The following SLC24A2 variants were observed in gnomAD, a reference collection of about 807,000 sequenced individuals.
SLC24A2 encodes the protein sodium/potassium/calcium exchanger 2.
A neutral mutation model predicts 62.0 loss-of-function variants in SLC24A2; 36 were observed. The ratio of observed to expected loss-of-function variants is 0.58; its 90% CI spans 0.44 to 0.77. The LOEUF is 0.77. SLC24A2 is among the 30% of genes least tolerant of loss of function. SLC24A2 has a pLI of 0.00. For missense variants in SLC24A2, 846 were observed against 817.9 expected (o/e 1.03, Z -0.42); for synonymous variants, 358 against 294.0 (o/e 1.22, Z -2.23).
the SLC24A2 span, among the ~76,000 whole-genome samples, chr9:20,267,090 GACAAA>G: frequency 6.7e-6 from 1 of 148,984 alleles, no homozygotes; most frequent in African/African-American, 2.5e-5. Context: ...TGGTTTAACT[GACAAA>G]ACAAAAATTA....
intron 2 of SLC24A2, among the ~76,000 whole-genome samples, chr9:19,691,135 A>G (rs1222294044): frequency 6.6e-6 from 1 of 152,174 alleles, no homozygotes; most frequent in East Asian, 1.9e-4. Context: ...TCCTCCTTTG[A>G]AGGTGTGAAC....
intron 2 of SLC24A2, among the ~76,000 whole-genome samples, chr9:19,745,528 G>T (rs2118785971): frequency 6.6e-6 from 1 of 152,234 alleles, no homozygotes; most frequent in Admixed American, 6.5e-5. Flanking sequence ...TCTGGGGGTA[G>T]ATTCAGCAAT....
chr9:20,219,701 G>A, the SLC24A2 span, among the ~76,000 whole-genome samples: 1 of 152,122 alleles, frequency 6.6e-6, no homozygotes, highest in Non-Finnish European at 1.5e-5. Context: ...CATCTGTGTG[G>A]CCTTTGGACG....
At chr9:19,735,101 A>G (rs1821465487) in intron 2 of SLC24A2, among the ~76,000 whole-genome samples, 1 of 152,292 alleles carries the variant, frequency 6.6e-6, no homozygotes, top group Non-Finnish European at 1.5e-5. Flanking sequence ...AAATTTTTGC[A>G]ATCTATCCAT....
chr9:20,097,235 T>C, the SLC24A2 span, among the ~76,000 whole-genome samples: 25 of 152,126 alleles, frequency 1.6e-4, no homozygotes, highest in African/African-American at 5.8e-4. Context: ...AATAGGATGA[T>C]TGGGAGCAAA....
intron 2 of SLC24A2, among the ~76,000 whole-genome samples, chr9:19,665,832 A>ATG: frequency 6.6e-6 from 1 of 152,066 alleles, no homozygotes; most frequent in Non-Finnish European, 1.5e-5. Flanking sequence ...ATATATATAT[A>ATG]TGTAGACACA....
the SLC24A2 span, among the ~76,000 whole-genome samples, chr9:20,222,970 C>T: frequency 1.3e-5 from 2 of 151,858 alleles, no homozygotes; most frequent in African/African-American, 4.8e-5. Flanking sequence ...AAGGCACAAG[C>T]AAACCTCTAC....
the SLC24A2 span, chr9:19,895,894 C>T: frequency 2.8e-5 from 45 of 1,613,312 alleles, no homozygotes; most frequent in Admixed American, 1.0e-4. Flanking sequence ...TGTGATGCGC[C>T]GGGCAGGGTC....
At chr9:20,021,574 G>T in the SLC24A2 span, among the ~76,000 whole-genome samples, 1 of 151,864 alleles carries the variant, frequency 6.6e-6, no homozygotes, top group African/African-American at 2.4e-5. Flanking sequence ...GGCAACGTAG[G>T]TTCAAGCAGA....
At chr9:20,286,948 G>GTAGATA in the SLC24A2 span, among the ~76,000 whole-genome samples, 1 of 152,162 alleles carries the variant, frequency 6.6e-6, no homozygotes, top group Non-Finnish European at 1.5e-5. Flanking sequence ...GGATGTAGAT[G>GTAGATA]TAGATTATTT....
At chr9:20,186,461 C>A in the SLC24A2 span, among the ~76,000 whole-genome samples, 2 of 151,968 alleles carry the variant, frequency 1.3e-5, no homozygotes, top group African/African-American at 4.8e-5. Flanking sequence ...GGATGGCTAC[C>A]CCCAGATTCT....
At position 19,528,158 on chromosome 9, in the gene SLC24A2, A is replaced by C. The variant is rs1833525006; in HGVS notation, c.1480-20T>G. On this transcript the variant is annotated intron_variant, in intron 8 of 10. Transcript: ENST00000341998. ...CGATGACTGAAAGACAACCAGGAAG[A>C]GTTGAGAATATCAGTGTTATCCATT... 4 of 1,482,740 alleles carry C rather than the reference A, an allele frequency of 2.7e-6. No individual in the cohort carries two copies. The highest frequency in any genetic ancestry group is 3.7e-6 in the Non-Finnish European group (4 of 1,077,716). 91.8% of individuals were successfully genotyped at this position (1,482,740 alleles called of 1,614,324 possible). A position where few individuals can be genotyped will look rare whatever the true frequency, so the allele number is the denominator to read the frequency against.
At chr9:20,087,570 G>T in the SLC24A2 span, among the ~76,000 whole-genome samples, 5 of 152,324 alleles carry the variant, frequency 3.3e-5, no homozygotes, top group East Asian at 9.7e-4. Context: ...ATGAAAGCCT[G>T]TCTTGTTCCA....
intron 4 of SLC24A2, 123 bp downstream of exon 4, chr9:19,619,461 G>T (rs1817853605): frequency 2.4e-6 from 2 of 820,540 alleles, no homozygotes; most frequent in Non-Finnish European, 4.4e-6. Flanking sequence ...GCTTCTGGCA[G>T]AAGCTAAACA....
the SLC24A2 span, among the ~76,000 whole-genome samples, chr9:20,190,396 T>C: frequency 7.9e-5 from 12 of 152,326 alleles, no homozygotes; most frequent in South Asian, 2.5e-3. Context: ...TAATTAAAAA[T>C]TTTTAATCAT....
intron 2 of SLC24A2, among the ~76,000 whole-genome samples, chr9:19,666,764 C>T (rs1367204205): frequency 6.6e-6 from 1 of 152,054 alleles, no homozygotes; most frequent in Non-Finnish European, 1.5e-5. Context: ...CAATGCAGGA[C>T]ATCTTGTCCT....
At chr9:20,179,407 GTC>G in the SLC24A2 span, among the ~76,000 whole-genome samples, 16 of 152,176 alleles carry the variant, frequency 1.1e-4, no homozygotes, top group Non-Finnish European at 2.2e-4. Flanking sequence ...CGGACAGGTG[GTC>G]CAGAACATGA....
At chr9:20,156,589 T>C in the SLC24A2 span, among the ~76,000 whole-genome samples, 1 of 151,698 alleles carries the variant, frequency 6.6e-6, no homozygotes, top group Non-Finnish European at 1.5e-5. Context: ...CCAAGGCACA[T>C]ATGTTGCTAA....
chr9:20,035,596 A>G, the SLC24A2 span, among the ~76,000 whole-genome samples: 4 of 152,162 alleles, frequency 2.6e-5, no homozygotes, highest in African/African-American at 7.2e-5. Context: ...TCTACAAAAA[A>G]TAAAAAAGTT....
Sources: allele counts gnomAD v4.1 joint callset (sites outside exome capture counted in the v4.1 genomes callset), GRCh38; gene constraint gnomAD v4.1.1; transcripts MANE v1.5; gene names NCBI Gene and HGNC (gene_info 2026-07-23, HGNC 2026-07-21).